HNF1B: variants seen among roughly 807,000 people sequenced by gnomAD.
The protein encoded by HNF1B is hepatocyte nuclear factor 1-beta.
In HNF1B, 8 loss-of-function variants were observed where a neutral mutation model predicts 61.7. That is an observed-to-expected ratio of 0.13 (90% CI 0.08 to 0.23). The LOEUF is 0.23. Among genes scored for constraint, HNF1B ranks in the 10% least tolerant of loss-of-function variants. The pLI is 1.00. For missense variants in HNF1B, 562 were observed against 714.5 expected, an observed-to-expected ratio of 0.79 and a Z score of 2.43; for synonymous variants, 314 against 287.7, an observed-to-expected ratio of 1.09 and a Z score of -0.93.
chr17:37,689,617 C>G (rs914690278), intron 8 of HNF1B, among the ~76,000 whole-genome samples: 3 of 152,268 alleles, frequency 2.0e-5, no homozygotes, highest in African/African-American at 7.2e-5. Flanking sequence ...CCAGCACACG[C>G]AGCCCCACGG....
chr17:37,703,295 C>T lies in HNF1B; in HGVS notation c.1339+1622G>A, dbSNP rs7210911. On this transcript the variant is annotated intron_variant, in intron 6 of 8. Transcript: ENST00000617811. ...GGTCAGTGTGCACTCTGGTGCAGCC[C>T]ATCTGAATAGGAGATTAAGGAGCAT... Among the ~76,000 whole-genome samples the T allele has an allele frequency of 6.8e-3, 1,040 of 152,220 alleles. 11 individuals carry two copies. Among genetic ancestry groups the T allele is most frequent in the African/African-American group, 0.024 (978 of 41,524 alleles).
intron 4 of HNF1B, chr17:37,730,764 C>T (rs1340171069): frequency 1.3e-5 from 2 of 152,424 alleles, no homozygotes; most frequent in African/African-American, 4.8e-5. Context: ...TCCTCATGGG[C>T]ACCACACAGA....
intron 8 of HNF1B, among the ~76,000 whole-genome samples, chr17:37,698,065 C>G (rs1335051709): frequency 3.3e-5 from 5 of 152,060 alleles, no homozygotes; most frequent in Non-Finnish European, 7.4e-5. Flanking sequence ...GATAGAGAAC[C>G]CTGATCCCAT....
chr17:37,720,476 T>C (rs2033273428), intron 4 of HNF1B, among the ~76,000 whole-genome samples: 1 of 151,960 alleles, frequency 6.6e-6, no homozygotes, highest in South Asian at 2.1e-4. Flanking sequence ...TGACACTGTT[T>C]CTAGAGAAGA....
At chr17:37,726,453 T>C (rs1032712133) in intron 4 of HNF1B, among the ~76,000 whole-genome samples, 1 of 152,226 alleles carries the variant, frequency 6.6e-6, no homozygotes, top group Admixed American at 6.5e-5. Flanking sequence ...CCATCAACAC[T>C]GGCCATTAGA....
chr17:37,692,576 G>A (rs925633122), intron 8 of HNF1B, among the ~76,000 whole-genome samples: 7 of 152,300 alleles, frequency 4.6e-5, no homozygotes, highest in Non-Finnish European at 8.8e-5. Flanking sequence ...TTGGAAAATG[G>A]AGGCATCAAA....
At chr17:37,693,657 T>C (rs1282533968) in intron 8 of HNF1B, among the ~76,000 whole-genome samples, 1 of 152,192 alleles carries the variant, frequency 6.6e-6, no homozygotes, top group Non-Finnish European at 1.5e-5. Flanking sequence ...AAGAAATCCT[T>C]CTCTCCCCTC....
At chr17:37,715,098 C>G (rs911514688) in intron 4 of HNF1B, among the ~76,000 whole-genome samples, 3 of 152,148 alleles carry the variant, frequency 2.0e-5, no homozygotes, top group Admixed American at 6.5e-5. Context: ...ATGTCGCCCC[C>G]CTGTGAAGCT....
chr17:37,692,940 C>T (rs186960813), intron 8 of HNF1B, among the ~76,000 whole-genome samples: 7 of 152,002 alleles, frequency 4.6e-5, no homozygotes, highest in Admixed American at 4.6e-4. Flanking sequence ...CCTGTAATTC[C>T]AGCACTTTGG....
At chr17:37,718,351 T>TA (rs1182011295) in intron 4 of HNF1B, among the ~76,000 whole-genome samples, 4 of 152,126 alleles carry the variant, frequency 2.6e-5, no homozygotes, top group African/African-American at 9.7e-5. Flanking sequence ...CATCAGGCAG[T>TA]TTGCAATGAA....
rs113822227 is a variant in HNF1B, at chr17:37,724,204, C to T, written c.1045+7391G>A. On this transcript the variant is annotated intron_variant, in intron 4 of 8. Coordinates refer to ENST00000617811, the MANE Select transcript of HNF1B (RefSeq NM_000458.4). Reference sequence around the variant, plus strand: ...CAGAAACCCAGGCCTCACCCCAGGCCTATAGAATGAGAATCTGTATCCTAA... The same window carrying T: ...CAGAAACCCAGGCCTCACCCCAGGCTTATAGAATGAGAATCTGTATCCTAA... Among the ~76,000 whole-genome samples, 505 of 152,190 alleles carry T rather than the reference C, an allele frequency of 3.3e-3. 1 individual carries two copies. The highest frequency in any genetic ancestry group is 4.4e-3 in the Non-Finnish European group (302 of 68,006).
chr17:37,710,725 T>G, intron 4 of HNF1B, 62 bp from the exon 5 acceptor site: 1 of 1,521,094 alleles, frequency 6.6e-7, no homozygotes, highest in East Asian at 2.3e-5. Flanking sequence ...GAACAATGAC[T>G]CGGCACCTCT....
At chr17:37,696,026 C>T (rs998999077) in intron 8 of HNF1B, among the ~76,000 whole-genome samples, 3 of 152,138 alleles carry the variant, frequency 2.0e-5, no homozygotes, top group African/African-American at 7.2e-5. Flanking sequence ...GATGTGTGTC[C>T]CCTCCAAATC....
In HNF1B at chr17:37,687,409, G is replaced by T; in HGVS notation, c.1654-17C>A. The T allele has an allele frequency of 6.3e-7, 1 of 1,592,954 alleles. No homozygotes were observed. On this transcript the variant is annotated splice_polypyrimidine_tract_variant and intron_variant, in intron 8 of 8. Transcript: ENST00000617811. ...TAGAGGACACTGCAGAGAGAGAGGA[G>T]AGAGGGTGCTCAGCTGTGTCATTTG... is the stretch of plus-strand genomic sequence containing the variant.
intron 2 of HNF1B, among the ~76,000 whole-genome samples, chr17:37,735,959 C>T (rs1200799376): frequency 6.6e-6 from 1 of 152,168 alleles, no homozygotes; most frequent in African/African-American, 2.4e-5. Context: ...GAGACGGGGT[C>T]TCGCTATGTT....
intron 8 of HNF1B, among the ~76,000 whole-genome samples, chr17:37,690,749 C>A (rs2032172933): frequency 6.6e-6 from 1 of 152,124 alleles, no homozygotes; most frequent in African/African-American, 2.4e-5. Flanking sequence ...TGAAATAGGG[C>A]AAAATGAAGA....
chr17:37,708,642 A>C (rs1206315966), intron 5 of HNF1B, among the ~76,000 whole-genome samples: 5 of 152,124 alleles, frequency 3.3e-5, no homozygotes, highest in Non-Finnish European at 7.4e-5. Context: ...CTTAACCCTA[A>C]CTTGTTTGGG....
intron 8 of HNF1B, among the ~76,000 whole-genome samples, chr17:37,694,902 T>C (rs971478052): frequency 1.3e-5 from 2 of 152,060 alleles, no homozygotes; most frequent in Admixed American, 1.3e-4. Context: ...GAATTTACAT[T>C]TAAAAAGGGA....
intron 6 of HNF1B, among the ~76,000 whole-genome samples, chr17:37,701,634 A>T (rs189653378): frequency 3.8e-4 from 58 of 152,288 alleles, no homozygotes; most frequent in East Asian, 9.7e-4. Context: ...GCAGGGACCC[A>T]AATTTTGACT....
Sources: allele counts gnomAD v4.1 joint callset (sites outside exome capture counted in the v4.1 genomes callset), GRCh38; gene constraint gnomAD v4.1.1; transcripts MANE v1.5; gene names NCBI Gene and HGNC (gene_info 2026-07-23, HGNC 2026-07-21).